Variants in MANSC4 observed in about 807,000 individuals in gnomAD.
MANSC4 encodes MANSC domain containing 4, also known as MANSC domain-containing protein 4.
MANSC4 carries 11 observed loss-of-function variants against 11.4 expected under a neutral mutation model. The observed-to-expected ratio is 0.97, with a 90% CI of 0.61 to 1.60. The LOEUF (loss-of-function observed/expected upper bound fraction) is 1.60. MANSC4 is among the 40% of genes most tolerant of loss of function. The pLI, the probability that MANSC4 is intolerant of heterozygous loss-of-function variation, is 0.00. For missense variants in MANSC4, 354 were observed against 404.6 expected, an observed-to-expected ratio of 0.88 and a Z score of 1.07; for synonymous variants, 123 against 147.1, an observed-to-expected ratio of 0.84 and a Z score of 1.19.
In MANSC4 at chr12:27,771,055, C is replaced by G; in HGVS notation, c.222G>C (p.Arg74=). 6.5e-7 allele frequency: 1 copy of G among 1,549,936 alleles called. No homozygotes were observed. The highest frequency in any genetic ancestry group is 8.7e-7 in the Non-Finnish European group (1 of 1,146,346). The change falls in exon 2 of 4, where the codon CGG becomes CGC. Residue 74 remains arginine (R), a synonymous_variant. Transcript: ENST00000381273. The part of the protein sequence containing the change: ...GQKCSRSCCL[R]KDVSCNLAVF... ...CATATCATGAATACTTACCATCCTTCCGAAGACAGCAGCTCCTACTGCACT... is the reference window on the plus strand; with the variant it reads ...CATATCATGAATACTTACCATCCTTGCGAAGACAGCAGCTCCTACTGCACT...
At chr12:27,763,887 C>G (rs568165782) in intron 3 of MANSC4, among the ~76,000 whole-genome samples, 1 of 151,496 alleles carries the variant, frequency 6.6e-6, no homozygotes, top group Non-Finnish European at 1.5e-5. Flanking sequence ...TGCGCCACCA[C>G]GCCCAGCTAA....
At chr12:27,779,958 G>A (rs985666899) in intron 1 of MANSC4, 7 of 151,382 alleles carry the variant, frequency 4.6e-5, no homozygotes, top group African/African-American at 1.7e-4. Context: ...CCAGCCGGCA[G>A]GTCAGGCCGG....
intron 1 of MANSC4, among the ~76,000 whole-genome samples, chr12:27,772,009 C>T (rs1219347491): frequency 2.0e-5 from 3 of 152,066 alleles, no homozygotes; most frequent in Non-Finnish European, 4.4e-5. Flanking sequence ...CACTACTGCA[C>T]TCCAGCCTGG....
Position 27,762,623 on chromosome 12 carries a change from T to G in MANSC4, c.*115A>C. The G allele has an allele frequency of 9.5e-7, 1 of 1,057,670 alleles. No homozygotes were observed. The highest frequency in any genetic ancestry group is 1.3e-6 in the Non-Finnish European group (1 of 762,276). The allele number at this position is 1,057,670 out of a possible 1,614,324, so 65.5% of individuals were successfully genotyped here. On this transcript the variant is annotated 3_prime_UTR_variant, in exon 4 of 4. Coordinates refer to ENST00000381273, the MANE Select transcript of MANSC4 (RefSeq NM_001146221.5). ...GCCTTGGCTTCCCAAAGTTTTGGGA[T>G]TACAGGCATGAACCACCACGCCCAG...
chr12:27,775,433 G>T (rs1304603059), intron 1 of MANSC4, among the ~76,000 whole-genome samples: 1 of 152,144 alleles, frequency 6.6e-6, no homozygotes, highest in African/African-American at 2.4e-5. Context: ...TAAAAAATTA[G>T]CCGGTTGAGG....
Position 27,762,648 on chromosome 12 carries a change from G to A in MANSC4, c.*90C>T. The A allele has an allele frequency of 3.5e-6, 4 of 1,159,122 alleles. No homozygotes were observed. The highest frequency in any genetic ancestry group is 4.7e-6 in the Non-Finnish European group (4 of 848,374). 71.8% of individuals were successfully genotyped at this position (1,159,122 alleles called of 1,614,324 possible). ...TTACAGGCATGAACCACCACGCCCA[G>A]CCTATTTTTTTTTTTTAACCAAACT... On this transcript the variant is annotated 3_prime_UTR_variant, in exon 4 of 4. Transcript: ENST00000381273.
intron 1 of MANSC4, among the ~76,000 whole-genome samples, chr12:27,778,566 A>AAT (rs1358330840): frequency 6.5e-4 from 94 of 144,528 alleles, no homozygotes; most frequent in South Asian, 4.8e-3. Context: ...TTGTAATAAT[A>AAT]AAAAAAAAAA....
chr12:27,769,574 A>G (rs61734419), intron 2 of MANSC4, among the ~76,000 whole-genome samples: 7,036 of 152,268 alleles, frequency 0.046, 524 homozygotes, highest in African/African-American at 0.16. Context: ...CCCCTCCGCT[A>G]TCTCCCCTCA....
intron 2 of MANSC4, among the ~76,000 whole-genome samples, chr12:27,768,402 C>CAAAAAAAAA (rs201953091): frequency 9.1e-6 from 1 of 109,690 alleles, no homozygotes; most frequent in Non-Finnish European, 1.8e-5. Flanking sequence ...GACTCTGTCT[C>CAAAAAAAAA]AAAAAAAAAA....
At position 27,762,875 on chromosome 12, in the gene MANSC4, T is replaced by A; in HGVS notation, c.886A>T (p.Ile296Phe). The A allele has an allele frequency of 1.9e-6, 3 of 1,552,170 alleles. No individual in the cohort carries two copies. Among genetic ancestry groups the A allele is most frequent in the Non-Finnish European group, 2.6e-6 (3 of 1,147,118 alleles). Reference protein sequence around the residue: ...LVSVALCTSVIFLGCCIVILA... With the variant: ...LVSVALCTSVFFLGCCIVILA... ...ATGACTATACAACAGCCGAGAAAGA[T>A]GACAGAGGTGCAAAGGGCCACAGAA... The change falls in exon 4 of 4, where the codon ATC becomes TTC. Residue 296 changes from isoleucine (I) to phenylalanine (F), a missense_variant. Coordinates refer to ENST00000381273, the MANE Select transcript of MANSC4 (RefSeq NM_001146221.5).
In MANSC4 at chr12:27,780,067, GC is replaced by G. The variant is rs1022887367; in HGVS notation, c.-307+142del. The G allele has an allele frequency of 1.2e-5, 2 of 161,466 alleles. No homozygotes were observed. The highest frequency in any genetic ancestry group is 2.7e-5 in the Non-Finnish European group (2 of 74,832). The allele number at this position is 161,466 out of a possible 1,614,324, so 10.0% of individuals were successfully genotyped here. On this transcript the variant is annotated intron_variant, in intron 1 of 3. Coordinates refer to ENST00000381273, the MANE Select transcript of MANSC4 (RefSeq NM_001146221.5). The surrounding 1 kb of genome is among the most constrained non-coding windows in gnomAD (Gnocchi z 8.8). ...TTCCCGCCTGGCGCCGCCCGGGAGAGCCCGCGCGAGGACGCCCGCCGCGCTC... is the reference window on the plus strand; with the variant it reads ...TTCCCGCCTGGCGCCGCCCGGGAGAGCCGCGCGAGGACGCCCGCCGCGCTC...
At chr12:27,776,173 C>G (rs1302057400) in intron 1 of MANSC4, among the ~76,000 whole-genome samples, 3 of 151,268 alleles carry the variant, frequency 2.0e-5, no homozygotes, top group African/African-American at 7.3e-5. Context: ...CTTGGTATTT[C>G]ATTCTACCAT....
At chr12:27,773,495 A>G (rs573246402) in intron 1 of MANSC4, among the ~76,000 whole-genome samples, 82 of 152,278 alleles carry the variant, frequency 5.4e-4, no homozygotes, top group African/African-American at 1.5e-3. Context: ...GTTATCAAAT[A>G]CCCAGAACCA....
At chr12:27,779,684 T>A (rs2062134960) in intron 1 of MANSC4, 1 of 152,394 alleles carries the variant, frequency 6.6e-6, no homozygotes, top group Non-Finnish European at 1.5e-5. Context: ...TTTGTCTCCC[T>A]GGACCAGAGA....
chr12:27,778,258 A>G (rs1052834686), intron 1 of MANSC4, among the ~76,000 whole-genome samples: 3 of 151,968 alleles, frequency 2.0e-5, no homozygotes, highest in African/African-American at 4.8e-5. Context: ...TTTTTTCTAA[A>G]AAATAAAAAG....
rs1401719934 is a variant in MANSC4, at chr12:27,771,349, A to G, written c.-73T>C. The G allele has an allele frequency of 7.4e-7, 1 of 1,342,372 alleles. No homozygotes were observed. The allele number at this position is 1,342,372 out of a possible 1,614,324, so 83.2% of individuals were successfully genotyped here. A position where few individuals can be genotyped will look rare whatever the true frequency, so the allele number is the denominator to read the frequency against. On this transcript the variant is annotated 5_prime_UTR_variant, in exon 2 of 4. Transcript: ENST00000381273. ...GAAGCTGAACACTGGAGTTTAGGAC[A>G]GTCTCTGGAACGTCAGAGGTGTTGT...
chr12:27,777,990 C>T (rs1164946929), intron 1 of MANSC4, among the ~76,000 whole-genome samples: 1 of 151,570 alleles, frequency 6.6e-6, no homozygotes, highest in African/African-American at 2.4e-5. Context: ...CTTTGGGAGG[C>T]CGAGGTGGGT....
In MANSC4 at chr12:27,762,652, A is replaced by T. The variant is rs990240976; in HGVS notation, c.*86T>A. On this transcript the variant is annotated 3_prime_UTR_variant, in exon 4 of 4. Transcript: ENST00000381273. ...AGGCATGAACCACCACGCCCAGCCTATTTTTTTTTTTTAACCAAACTGCGT... is the reference window on the plus strand; with the variant it reads ...AGGCATGAACCACCACGCCCAGCCTTTTTTTTTTTTTTAACCAAACTGCGT... 63 of 1,089,068 alleles carry T rather than the reference A, an allele frequency of 5.8e-5. No homozygotes were observed. The highest frequency in any genetic ancestry group is 5.0e-4 in the African/African-American group (30 of 60,360). 67.5% of individuals were successfully genotyped at this position (1,089,068 alleles called of 1,614,324 possible).
intron 1 of MANSC4, among the ~76,000 whole-genome samples, chr12:27,778,196 G>A (rs2062126561): frequency 6.8e-6 from 1 of 146,908 alleles, no homozygotes; most frequent in Admixed American, 6.9e-5. Context: ...TTGCACTCCA[G>A]CCTGGGCAAC....
Sources: gnomAD v4.1 joint callset for allele counts (sites outside exome capture counted in the v4.1 genomes callset) on GRCh38, gnomAD v4.1.1 for gene constraint, Gnocchi (gnomAD v3.1) non-coding constraint, MANE v1.5 for transcripts, NCBI Gene and HGNC (gene_info 2026-07-23, HGNC 2026-07-21) for gene names.